The following RRP15 variants were observed in gnomAD, a reference collection of about 807,000 sequenced individuals.
The protein encoded by RRP15 is ribosomal RNA processing 15 homolog, also known as RRP15-like protein.
A neutral mutation model predicts 27.1 loss-of-function variants in RRP15; 18 were observed. The ratio of observed to expected loss-of-function variants is 0.66; its 90% confidence interval spans 0.46 to 0.98. The LOEUF is 0.98. Ranked by LOEUF, RRP15 falls within the 50% of genes least tolerant of loss-of-function variation. The pLI, the probability that RRP15 is intolerant of heterozygous loss-of-function variation, is 0.00. For missense variants in RRP15, 359 were observed against 337.8 expected, an observed-to-expected ratio of 1.06 and a Z score of -0.49; for synonymous variants, 107 against 109.4, an observed-to-expected ratio of 0.98 and a Z score of 0.14.
In RRP15 at chr1:218,332,393, G is replaced by A. The variant is rs1251579200; in HGVS notation, c.*1302G>A. The A allele has an allele frequency of 6.6e-6, 1 of 152,074 alleles. No homozygotes were observed. The highest frequency in any genetic ancestry group is 1.5e-5 in the Non-Finnish European group (1 of 67,992). The allele number at this position is 152,074 out of a possible 1,614,324, so 9.4% of individuals were successfully genotyped here. A position where few individuals can be genotyped will look rare whatever the true frequency, so the allele number is the denominator to read the frequency against. ...CATTCCAAAATTTTTGTGAAATGTG[G>A]CCCAAGATCTAAAGTTTTTAAGGGA... On this transcript the variant is annotated 3_prime_UTR_variant, in exon 5 of 5. Transcript: ENST00000366932.
chr1:218,297,224 T>C (rs553270358), intron 1 of RRP15, among the ~76,000 whole-genome samples: 3 of 152,312 alleles, frequency 2.0e-5, no homozygotes, highest in Admixed American at 6.5e-5. Context: ...TAATCTGAGC[T>C]CTTAACCCCT....
intron 4 of RRP15, among the ~76,000 whole-genome samples, chr1:218,318,769 C>T (rs549089761): frequency 2.6e-5 from 4 of 151,078 alleles, no homozygotes; most frequent in Non-Finnish European, 4.4e-5. Context: ...AAAGGTGCAC[C>T]CTCCCCACCT....
rs750893993 is a variant in RRP15, at chr1:218,285,349, T to A, written c.33T>A (p.Ser11Arg). Residue 11 changes from serine (S) to arginine (R), a missense_variant, in exon 1 of 5, where the codon AGT (serine) becomes AGA (arginine). Ser to Arg is a moderately radical substitution (Grantham distance 110). Coordinates refer to ENST00000366932, the MANE Select transcript of RRP15 (RefSeq NM_016052.4). The stretch of plus-strand genomic sequence containing the variant: ...CCGCCGCTCCGGACTCACGTGTGAG[T>A]GAGGAAGAAAACCTGAAAAAGACCC... MAAAAPDSRV[S>R]EEENLKKTPK... 5.0e-6 allele frequency: 8 copies of A among 1,613,438 alleles called. No homozygotes were observed. The highest frequency in any genetic ancestry group is 5.9e-6 in the Non-Finnish European group (7 of 1,179,886).
intron 4 of RRP15, among the ~76,000 whole-genome samples, chr1:218,319,345 G>A (rs1343489166): frequency 1.3e-5 from 2 of 152,166 alleles, no homozygotes; most frequent in Non-Finnish European, 2.9e-5. Flanking sequence ...GATTACAGAC[G>A]TGAGCCACTG....
intron 4 of RRP15, among the ~76,000 whole-genome samples, chr1:218,310,456 T>G: frequency 6.6e-6 from 1 of 152,188 alleles, no homozygotes; most frequent in East Asian, 1.9e-4. Flanking sequence ...TAAAGTCTTA[T>G]GTTCAATAAT....
chr1:218,335,541 C>T lies in RRP15; in HGVS notation c.*4450C>T, dbSNP rs902054399. ...TGTGCTGTTCAATATGGTAGCCACT[C>T]GCAGAGGTGACTACTGAGCATTTCA... On this transcript the variant is annotated 3_prime_UTR_variant, in exon 5 of 5. Transcript: ENST00000366932. 1.8e-4 allele frequency: 27 copies of T among 152,286 alleles called. No homozygotes were observed. The highest frequency in any genetic ancestry group is 6.3e-4 in the African/African-American group (26 of 41,568). The allele number at this position is 152,286 out of a possible 1,614,324, so 9.4% of individuals were successfully genotyped here. A position where few individuals can be genotyped will look rare whatever the true frequency, so the allele number is the denominator to read the frequency against.
At chr1:218,326,089 G>T (rs1656266974) in intron 4 of RRP15, among the ~76,000 whole-genome samples, 1 of 152,184 alleles carries the variant, frequency 6.6e-6, no homozygotes, top group African/African-American at 2.4e-5. Context: ...TGGATCACGT[G>T]AAGTCAGTAG....
At chr1:218,327,599 T>A (rs1412384051) in intron 4 of RRP15, among the ~76,000 whole-genome samples, 1 of 152,146 alleles carries the variant, frequency 6.6e-6, no homozygotes, top group Non-Finnish European at 1.5e-5. Context: ...CCACCACGCC[T>A]GGCCTTAAAC....
intron 4 of RRP15, among the ~76,000 whole-genome samples, chr1:218,321,638 C>G (rs1239559377): frequency 6.6e-6 from 1 of 152,068 alleles, no homozygotes; most frequent in Admixed American, 6.5e-5. Flanking sequence ...AATGGCTTAT[C>G]TAAGATTCAA....
intron 1 of RRP15, among the ~76,000 whole-genome samples, chr1:218,292,027 G>T (rs1655652615): frequency 6.6e-6 from 1 of 151,856 alleles, no homozygotes; most frequent in Non-Finnish European, 1.5e-5. Context: ...TGTAAAGATG[G>T]GTCTCACTCT....
chr1:218,328,955 T>C lies in RRP15; in HGVS notation c.706-1993T>C, dbSNP rs73108396. On this transcript the variant is annotated intron_variant, in intron 4 of 4. Transcript: ENST00000366932. ...GTAAACTCAAATATCAAAGGCAGGATAGGTCTTTGCTAGTCAGCAATTTTG... is the reference window on the plus strand; with the variant it reads ...GTAAACTCAAATATCAAAGGCAGGACAGGTCTTTGCTAGTCAGCAATTTTG... Among the ~76,000 whole-genome samples, 639 of 152,252 alleles carry C rather than the reference T, an allele frequency of 4.2e-3. 5 individuals are homozygous for C. Among genetic ancestry groups the C allele is most frequent in the African/African-American group, 0.015 (616 of 41,556 alleles).
chr1:218,292,140 A>G (rs1383839511), intron 1 of RRP15, among the ~76,000 whole-genome samples: 3 of 152,252 alleles, frequency 2.0e-5, no homozygotes, highest in Non-Finnish European at 2.9e-5. Flanking sequence ...CCAGCCTTCA[A>G]TTTTTCAAAC....
chr1:218,333,387 G>T lies in RRP15; in HGVS notation c.*2296G>T, dbSNP rs1044067287. On this transcript the variant is annotated 3_prime_UTR_variant, in exon 5 of 5. Transcript: ENST00000366932. ...TGTGTATCTTAAGTGAATGTTTTGA[G>T]TAGTTCTGTCACCCCTATTCTAAAT... 2.8e-5 allele frequency: 4 copies of T among 144,434 alleles called. No homozygotes were observed. In the South Asian group the frequency reaches 6.7e-4, roughly 24 times the overall value. The allele number at this position is 144,434 out of a possible 1,614,324, so 8.9% of individuals were successfully genotyped here.
rs532038094 is a variant in RRP15, at chr1:218,328,120, T to C, written c.706-2828T>C. 1.1e-4 allele frequency among the ~76,000 whole-genome samples: 17 copies of C among 152,366 alleles called. No individual in the cohort carries two copies. In the South Asian group the frequency reaches 3.3e-3, roughly 30 times the overall value. ...CTTTAAGAATCACTGATACAGACTA[T>C]ATTGATCCTTGAAACCAAGAAACAA... On this transcript the variant is annotated intron_variant, in intron 4 of 4. Transcript: ENST00000366932.
At chr1:218,323,522 C>A (rs1027095218) in intron 4 of RRP15, among the ~76,000 whole-genome samples, 4 of 152,158 alleles carry the variant, frequency 2.6e-5, no homozygotes, top group African/African-American at 9.7e-5. Flanking sequence ...ACTACAAGTT[C>A]CCACTCTGGT....
intron 2 of RRP15, among the ~76,000 whole-genome samples, chr1:218,304,555 A>C (rs1176940513): frequency 6.6e-6 from 1 of 152,252 alleles, no homozygotes; most frequent in African/African-American, 2.4e-5. Flanking sequence ...TAGTCATTGT[A>C]TAAGTATCTG....
intron 2 of RRP15, among the ~76,000 whole-genome samples, chr1:218,304,654 A>G (rs952425168): frequency 5.3e-5 from 8 of 152,218 alleles, no homozygotes; most frequent in African/African-American, 1.9e-4. Context: ...GTAAAGATAA[A>G]CTTATAATTT....
intron 4 of RRP15, among the ~76,000 whole-genome samples, chr1:218,323,352 G>T (rs1258834517): frequency 6.6e-6 from 1 of 152,220 alleles, no homozygotes; most frequent in African/African-American, 2.4e-5. Context: ...TTTATTGAGC[G>T]ATAGAACAGA....
chr1:218,288,887 A>G (rs564586544), intron 1 of RRP15, among the ~76,000 whole-genome samples: 1 of 152,250 alleles, frequency 6.6e-6, no homozygotes, highest in Admixed American at 6.5e-5. Flanking sequence ...TTCTCCTAAA[A>G]TCCATATGTT....
Sources: allele counts gnomAD v4.1 joint callset (sites outside exome capture counted in the v4.1 genomes callset), GRCh38; gene constraint gnomAD v4.1.1; transcripts MANE v1.5; gene names NCBI Gene and HGNC (gene_info 2026-07-23, HGNC 2026-07-21).